The following LRRC4C variants were observed in gnomAD, a reference collection of about 807,000 sequenced individuals.
LRRC4C encodes the protein leucine-rich repeat-containing protein 4C.
A neutral mutation model predicts 33.6 loss-of-function variants in LRRC4C; 5 were observed. That is an observed-to-expected ratio of 0.15 (90% confidence interval 0.08 to 0.31). The LOEUF (loss-of-function observed/expected upper bound fraction) is 0.31, where lower values mean the gene tolerates loss of function less well. LRRC4C is among the 10% of genes least tolerant of loss of function. The probability of loss-of-function intolerance (pLI) is 1.00; values close to 1 mark genes in which losing one functional copy is unlikely to be tolerated. For missense variants in LRRC4C, 560 were observed against 796.7 expected (o/e 0.70, Z 3.58); for synonymous variants, 329 against 302.0 (o/e 1.09, Z -0.93).
chr11:40,305,787 A>G (rs1237221821), intron 4 of LRRC4C, among the ~76,000 whole-genome samples: 1 of 152,218 alleles, frequency 6.6e-6, no homozygotes, highest in Non-Finnish European at 1.5e-5. Context: ...GACCTCATCA[A>G]TAACCGGTTA....
intron 3 of LRRC4C, among the ~76,000 whole-genome samples, chr11:40,477,749 G>C (rs1225636463): frequency 6.6e-6 from 1 of 152,138 alleles, no homozygotes; most frequent in Non-Finnish European, 1.5e-5. Flanking sequence ...ACCTTGGAAA[G>C]AAGAGCAGTT....
At chr11:40,379,379 AG>A (rs1948778540) in intron 3 of LRRC4C, among the ~76,000 whole-genome samples, 1 of 152,188 alleles carries the variant, frequency 6.6e-6, no homozygotes, top group Non-Finnish European at 1.5e-5. Context: ...TTCTATAAAA[AG>A]CTTAAAATCC....
At chr11:41,241,996 T>G (rs1948269847) in intron 1 of LRRC4C, among the ~76,000 whole-genome samples, 1 of 152,172 alleles carries the variant, frequency 6.6e-6, no homozygotes, top group Non-Finnish European at 1.5e-5. Context: ...TTTCTTTGCT[T>G]AAGTTTTTTT....
intron 2 of LRRC4C, among the ~76,000 whole-genome samples, chr11:40,699,929 C>CTT (rs760323006): frequency 6.6e-6 from 1 of 152,010 alleles, no homozygotes; most frequent in Non-Finnish European, 1.5e-5. Flanking sequence ...GTTTAGAAGT[C>CTT]TTTTTTAATT....
chr11:41,082,816 T>A (rs1939679921), intron 1 of LRRC4C, among the ~76,000 whole-genome samples: 1 of 152,194 alleles, frequency 6.6e-6, no homozygotes, highest in Non-Finnish European at 1.5e-5. Context: ...ATTGTTTATT[T>A]CTTCCATCCC....
At position 40,216,299 on chromosome 11, in the gene LRRC4C, G is replaced by A. The variant is rs141725259; in HGVS notation, c.-96+25220C>T. On this transcript the variant is annotated intron_variant, in intron 5 of 6. Transcript: ENST00000528697. ...ATTTTAATATGTAACTGCTAAAGCT[G>A]TAGATTTCTACTATGACTGGAATCC... Among the ~76,000 whole-genome samples, 20 of 152,162 alleles carry A rather than the reference G, an allele frequency of 1.3e-4. No homozygotes were observed. The East Asian group carries it at 3.7e-3, about 28-fold the overall frequency.
intron 1 of LRRC4C, among the ~76,000 whole-genome samples, chr11:41,404,350 G>A (rs993707842): frequency 2.0e-5 from 3 of 151,920 alleles, no homozygotes; most frequent in Non-Finnish European, 4.4e-5. Context: ...AATGGTTAAC[G>A]AAACCATGTA....
chr11:40,527,900 C>A (rs1365237765), intron 3 of LRRC4C, among the ~76,000 whole-genome samples: 1 of 152,042 alleles, frequency 6.6e-6, no homozygotes, highest in African/African-American at 2.4e-5. Flanking sequence ...AGGCATGCAC[C>A]ATGATGCCTG....
At chr11:40,144,003 A>G (rs1281804006) in intron 5 of LRRC4C, among the ~76,000 whole-genome samples, 1 of 152,192 alleles carries the variant, frequency 6.6e-6, no homozygotes, top group African/African-American at 2.4e-5. Context: ...AACGATAGCT[A>G]GATCAGAGCT....
intron 1 of LRRC4C, among the ~76,000 whole-genome samples, chr11:41,345,398 C>T (rs2137514487): frequency 6.6e-6 from 1 of 152,208 alleles, no homozygotes; most frequent in South Asian, 2.1e-4. Flanking sequence ...CCGCCATGGT[C>T]TTTAGGATGC....
intron 2 of LRRC4C, among the ~76,000 whole-genome samples, chr11:40,881,550 C>T (rs1043311265): frequency 3.3e-5 from 5 of 152,110 alleles, no homozygotes; most frequent in African/African-American, 7.2e-5. Flanking sequence ...ATTATTGAGG[C>T]CATTTTCAGT....
chr11:40,865,844 GAAT>G (rs1438099029), intron 2 of LRRC4C, among the ~76,000 whole-genome samples: 1 of 151,704 alleles, frequency 6.6e-6, no homozygotes, highest in Non-Finnish European at 1.5e-5. Flanking sequence ...AAAAATAAGA[GAAT>G]AATTTGTAGG....
chr11:41,215,511 T>A (rs1209086134), intron 1 of LRRC4C, among the ~76,000 whole-genome samples: 5 of 145,684 alleles, frequency 3.4e-5, no homozygotes, highest in East Asian at 4.0e-4. Context: ...AAAAAAAAAA[T>A]TCCATCCACA....
At chr11:40,772,952 G>C (rs190492624) in intron 2 of LRRC4C, among the ~76,000 whole-genome samples, 1 of 152,288 alleles carries the variant, frequency 6.6e-6, no homozygotes, top group Admixed American at 6.5e-5. Context: ...AGCAACCTAA[G>C]TGTCCATCAA....
chr11:41,049,141 C>T (rs148867421), intron 1 of LRRC4C, among the ~76,000 whole-genome samples: 501 of 152,242 alleles, frequency 3.3e-3, no homozygotes, highest in Admixed American at 5.6e-3. Context: ...ATAATTCCCA[C>T]GTATTGTGGG....
chr11:41,409,678 T>C (rs994403753), intron 1 of LRRC4C, among the ~76,000 whole-genome samples: 12 of 152,134 alleles, frequency 7.9e-5, no homozygotes, highest in African/African-American at 2.9e-4. Context: ...AGGGGGTCTA[T>C]ACCAAGAAAA....
chr11:40,645,255 G>A (rs565094987), intron 3 of LRRC4C, among the ~76,000 whole-genome samples: 193 of 152,206 alleles, frequency 1.3e-3, no homozygotes, highest in African/African-American at 4.4e-3. Context: ...TCAGTGATCA[G>A]GTGAATTGAG....
At chr11:40,759,590 G>A (rs1565024379) in intron 2 of LRRC4C, among the ~76,000 whole-genome samples, 1 of 151,852 alleles carries the variant, frequency 6.6e-6, no homozygotes, top group Non-Finnish European at 1.5e-5. Context: ...AGTTACTTTT[G>A]CAGCAACCTA....
At chr11:41,106,701 G>A (rs767136496) in intron 1 of LRRC4C, among the ~76,000 whole-genome samples, 5 of 151,940 alleles carry the variant, frequency 3.3e-5, no homozygotes, top group South Asian at 2.1e-4. Flanking sequence ...AGAATAGTAC[G>A]GGTTGAGTAT....
Sources: gnomAD v4.1 joint callset for allele counts (sites outside exome capture counted in the v4.1 genomes callset) on GRCh38, gnomAD v4.1.1 for gene constraint, MANE v1.5 for transcripts, NCBI Gene and HGNC (gene_info 2026-07-23, HGNC 2026-07-21) for gene names.